PUM2: variants seen among roughly 807,000 people sequenced by gnomAD.
PUM2 encodes the protein pumilio RNA binding family member 2.
PUM2 carries 57 observed loss-of-function variants against 124.5 expected under a neutral mutation model. That is an observed-to-expected ratio of 0.46 (90% CI 0.37 to 0.57). PUM2 has a LOEUF of 0.57. PUM2 is among the 20% of genes least tolerant of loss of function. The pLI, the probability that PUM2 is intolerant of heterozygous loss-of-function variation, is 0.00. For missense variants in PUM2, 1,065 were observed against 1,290.6 expected (o/e 0.83, Z 2.68); for synonymous variants, 460 against 446.1 (o/e 1.03, Z -0.39).
chr2:20,297,572 A>T lies in PUM2; in HGVS notation c.990T>A (p.Ala330=). Reference sequence around the variant, plus strand: ...TGTTACCTGCTAATGTAGCTGCTGCAGCCAATCCTGCTGCAGTATACGGAT... The same window carrying T: ...TGTTACCTGCTAATGTAGCTGCTGCTGCCAATCCTGCTGCAGTATACGGAT... ...GTDPYTAAGL[A]AAATLAGPAV... The change falls in exon 8 of 21, where the codon GCT becomes GCA. Residue 330 remains alanine (A), a synonymous_variant. Transcript: ENST00000361078. The T allele has an allele frequency of 6.2e-7, 1 of 1,610,376 alleles. No homozygotes were observed.
intron 2 of PUM2, among the ~76,000 whole-genome samples, chr2:20,320,358 G>T (rs532994231): frequency 1.3e-5 from 2 of 152,190 alleles, no homozygotes; most frequent in South Asian, 2.1e-4. Context: ...AAATGGTGGG[G>T]AAGATAACTA....
At chr2:20,277,828 A>T (rs1029528729) in intron 13 of PUM2, among the ~76,000 whole-genome samples, 4 of 152,142 alleles carry the variant, frequency 2.6e-5, no homozygotes, top group Admixed American at 6.6e-5. Context: ...ATAAAGTTTT[A>T]AAAAAATAAT....
intron 1 of PUM2, among the ~76,000 whole-genome samples, chr2:20,341,942 C>T (rs1402028012): frequency 2.0e-5 from 3 of 151,826 alleles, no homozygotes; most frequent in Non-Finnish European, 4.4e-5. Flanking sequence ...CCAGGGTGGC[C>T]AACATGGTGA....
intron 9 of PUM2, among the ~76,000 whole-genome samples, chr2:20,292,901 T>G (rs1353286567): frequency 6.6e-6 from 1 of 152,024 alleles, no homozygotes; most frequent in African/African-American, 2.4e-5. Context: ...CACTCCAGTC[T>G]GGGCAACAAG....
At chr2:20,295,777 T>C (rs1447885598) in intron 8 of PUM2, among the ~76,000 whole-genome samples, 2 of 152,226 alleles carry the variant, frequency 1.3e-5, no homozygotes, top group Non-Finnish European at 2.9e-5. Flanking sequence ...GCTGAAATTA[T>C]TATATTTTGG....
chr2:20,254,530 A>G (rs59270840), intron 19 of PUM2, among the ~76,000 whole-genome samples: 21,404 of 152,188 alleles, frequency 0.14, 2,160 homozygotes, highest in East Asian at 0.5. Context: ...GTTTAATTAC[A>G]GGTCTCTTAA....
chr2:20,278,892 G>A (rs910627938), intron 12 of PUM2, 73 bp from the exon 13 acceptor site: 1 of 1,085,480 alleles, frequency 9.2e-7, no homozygotes, highest in African/African-American at 1.6e-5. Context: ...AACTCTCGCT[G>A]GGCAATAACA....
At chr2:20,348,659 G>A (rs538599275) in intron 1 of PUM2, among the ~76,000 whole-genome samples, 1 of 152,388 alleles carries the variant, frequency 6.6e-6, no homozygotes, top group East Asian at 1.9e-4. Context: ...GCCGGGTGTG[G>A]TGGCTCACGC....
chr2:20,322,524 G>A (rs1443553729), intron 2 of PUM2, among the ~76,000 whole-genome samples: 1 of 152,118 alleles, frequency 6.6e-6, no homozygotes, highest in African/African-American at 2.4e-5. Context: ...ATGGGAGGAT[G>A]GAATGAGCCT....
intron 19 of PUM2, 27 bp from the exon 20 acceptor site, chr2:20,254,041 A>T: frequency 6.3e-7 from 1 of 1,575,570 alleles, no homozygotes. Context: ...ATAAACAAAG[A>T]TTTGTTATTT....
At chr2:20,309,631 TAAGA>T (rs1679159918) in intron 5 of PUM2, among the ~76,000 whole-genome samples, 1 of 152,132 alleles carries the variant, frequency 6.6e-6, no homozygotes. Flanking sequence ...CTTTCCTTTG[TAAGA>T]AAGAGTTTAT....
intron 7 of PUM2, among the ~76,000 whole-genome samples, chr2:20,305,295 G>A (rs187134923): frequency 2.0e-5 from 3 of 151,936 alleles, no homozygotes; most frequent in African/African-American, 7.2e-5. Flanking sequence ...GACCAGCCTG[G>A]ACAATAGGGT....
chr2:20,315,572 T>G (rs1022476781), intron 3 of PUM2, among the ~76,000 whole-genome samples: 2 of 152,168 alleles, frequency 1.3e-5, no homozygotes, highest in Admixed American at 1.3e-4. Context: ...AAAAATTGAC[T>G]GAAATAATAA....
In PUM2 at chr2:20,283,219, G is replaced by A. The variant is rs1486067394; in HGVS notation, c.1448C>T (p.Ala483Val). 2 of 1,611,080 alleles carry A rather than the reference G, an allele frequency of 1.2e-6. No homozygotes were observed. The highest frequency in any genetic ancestry group is 1.7e-6 in the Non-Finnish European group (2 of 1,177,936). The change falls in exon 12 of 21, where the codon GCA (alanine) becomes GTA (valine). Residue 483 changes from alanine to valine, a missense_variant. This residue lies in a region of PUM2 where 968 missense variants were observed against 1,159.8 expected (regional missense o/e 0.83). Transcript: ENST00000361078. ...AAGGCTACTTGCAGTTCCTCCAGCT[G>A]CTGCTGCTGCTGCTGTAAAATAAAT... ...SAAAQAAAAA[A>V]AGGTASSLTG...
rs763380645 is a variant in PUM2 at position 20,278,718 on chromosome 2, G to A, written c.1822C>T (p.Pro608Ser). The change falls in exon 13 of 21, where the codon CCA (proline) becomes TCA (serine). Residue 608 changes from proline (P) to serine (S), a missense_variant. Pro to Ser is a moderately conservative substitution (Grantham distance 74). Transcript: ENST00000361078. ...GAAAATCCCAGACTATTGTAAAATG[G>A]TTGCCCTATGGGTGCTAGGCTGCTA... ...SSSSLAPIGQ[P>S]FYNSLGFSSS... 2.5e-6 allele frequency: 4 copies of A among 1,613,506 alleles called. No homozygotes were observed. The Admixed American group carries it at 5.0e-5, about 20-fold the overall frequency.
chr2:20,290,571 A>AT, intron 10 of PUM2, 81 bp downstream of exon 10: 1 of 1,382,354 alleles, frequency 7.2e-7, no homozygotes. Context: ...ATACAGTTTG[A>AT]TTTTTTTCAC....
chr2:20,284,716 A>T (rs1468830733), intron 10 of PUM2, among the ~76,000 whole-genome samples: 1 of 152,236 alleles, frequency 6.6e-6, no homozygotes, highest in Non-Finnish European at 1.5e-5. Context: ...ACTATGCAGA[A>T]GTGAGAGTTA....
rs141685552 is a variant in PUM2 at position 20,252,245 on chromosome 2, C to T, written c.3064-529G>A. 3.8e-3 allele frequency among the ~76,000 whole-genome samples: 577 copies of T among 152,214 alleles called. 7 individuals carry two copies. Among genetic ancestry groups the T allele is most frequent in the African/African-American group, 0.013 (551 of 41,546 alleles). ...ACCAGACTGGGCAACATAGCGAGAC[C>T]GCATCTCTACAAAATATAAACAAAA... is the stretch of plus-strand genomic sequence containing the variant. On this transcript the variant is annotated intron_variant, in intron 20 of 20. Transcript: ENST00000361078.
chr2:20,250,480 T>C lies in PUM2; in HGVS notation c.*1105A>G, dbSNP rs1663048297. 6.6e-6 allele frequency: 1 copy of C among 152,534 alleles called. No homozygotes were observed. The allele number at this position is 152,534 out of a possible 1,614,324, so 9.4% of individuals were successfully genotyped here. ...TACACCTGTACAACCAAGGAAAGCATCACTACTAAATTAGCAAGGCTTTTA... is the reference window on the plus strand; with the variant it reads ...TACACCTGTACAACCAAGGAAAGCACCACTACTAAATTAGCAAGGCTTTTA... On this transcript the variant is annotated 3_prime_UTR_variant, in exon 21 of 21. Transcript: ENST00000361078.
Sources: allele counts gnomAD v4.1 joint callset (sites outside exome capture counted in the v4.1 genomes callset), GRCh38; gene constraint gnomAD v4.1.1; regional missense constraint gnomAD v4.1.1; transcripts MANE v1.5; gene names NCBI Gene and HGNC (gene_info 2026-07-23, HGNC 2026-07-21).